Variants in DRC11 observed in about 807,000 individuals in gnomAD.
DRC11 encodes the protein dynein regulatory complex subunit 11, also known as IQ and AAA domain-containing protein 1.
the DRC11 span, among the ~76,000 whole-genome samples, chr2:236,481,826 T>C: frequency 6.6e-6 from 1 of 151,268 alleles, no homozygotes; most frequent in Non-Finnish European, 1.5e-5. Flanking sequence ...GAAATCTATA[T>C]ACTTTAGAAT....
chr2:236,456,975 G>T, the DRC11 span, among the ~76,000 whole-genome samples: 1 of 152,132 alleles, frequency 6.6e-6, no homozygotes, highest in Non-Finnish European at 1.5e-5. The surrounding 1 kb of genome is among the most constrained non-coding windows in gnomAD (Gnocchi z 5.4). Flanking sequence ...GCAGGAGCCC[G>T]CAGTCCCAAG....
the DRC11 span, among the ~76,000 whole-genome samples, chr2:236,311,830 AG>A: frequency 6.6e-6 from 1 of 151,942 alleles, no homozygotes; most frequent in African/African-American, 2.4e-5. This position sits in a 1 kb window ranked among gnomAD's most constrained non-coding sequence, Gnocchi z 6.9. Flanking sequence ...CAGGATGCTA[AG>A]CCAGGCTGGA....
chr2:236,481,407 A>C, the DRC11 span, among the ~76,000 whole-genome samples: 1 of 152,110 alleles, frequency 6.6e-6, no homozygotes, highest in Non-Finnish European at 1.5e-5. Context: ...GGGGAGGAGC[A>C]CTGTGAATAT....
the DRC11 span, among the ~76,000 whole-genome samples, chr2:236,345,030 T>C: frequency 1.9e-3 from 165 of 87,450 alleles, no homozygotes; most frequent in African/African-American, 5.0e-3. Flanking sequence ...GTTGTAAATG[T>C]GCTTCCCTCT....
the DRC11 span, among the ~76,000 whole-genome samples, chr2:236,502,791 C>A: frequency 2.1e-4 from 32 of 151,772 alleles, no homozygotes; most frequent in Non-Finnish European, 3.5e-4. Flanking sequence ...CCTGTCTCTA[C>A]TAAAATCACA....
At chr2:236,310,174 C>T in the DRC11 span, among the ~76,000 whole-genome samples, 1 of 131,160 alleles carries the variant, frequency 7.6e-6, no homozygotes, top group African/African-American at 2.8e-5. This position sits in a 1 kb window ranked among gnomAD's most constrained non-coding sequence, Gnocchi z 5.5. Context: ...TGGTTGCCAC[C>T]TTTGCCTTGG....
the DRC11 span, among the ~76,000 whole-genome samples, chr2:236,416,727 A>ATT: frequency 3.1e-4 from 8 of 25,890 alleles, 1 homozygote; most frequent in Non-Finnish European, 4.6e-4. Flanking sequence ...ATATTTATAT[A>ATT]TATATATATA....
chr2:236,449,728 G>C, the DRC11 span, among the ~76,000 whole-genome samples: 20 of 152,290 alleles, frequency 1.3e-4, no homozygotes, highest in East Asian at 2.7e-3. This position sits in a 1 kb window ranked among gnomAD's most constrained non-coding sequence, Gnocchi z 5.1. Flanking sequence ...ACACTCTCTT[G>C]GAGGCCTATT....
the DRC11 span, among the ~76,000 whole-genome samples, chr2:236,501,209 T>C: frequency 6.6e-6 from 1 of 152,072 alleles, no homozygotes; most frequent in Non-Finnish European, 1.5e-5. Flanking sequence ...GTTCTCATGA[T>C]AACTCACTAT....
chr2:236,431,330 C>T, the DRC11 span, among the ~76,000 whole-genome samples: 3 of 152,140 alleles, frequency 2.0e-5, no homozygotes, highest in Non-Finnish European at 4.4e-5. This position sits in a 1 kb window ranked among gnomAD's most constrained non-coding sequence, Gnocchi z 4.2. Context: ...AGGAAACTTA[C>T]AATCATGGTG....
chr2:236,401,388 T>C, the DRC11 span, among the ~76,000 whole-genome samples: 2 of 152,124 alleles, frequency 1.3e-5, no homozygotes, highest in South Asian at 2.1e-4. The surrounding 1 kb of genome is among the most constrained non-coding windows in gnomAD (Gnocchi z 4.6). Flanking sequence ...TTTGACAGGA[T>C]TGTCACTTCC....
At chr2:236,343,674 G>A in the DRC11 span, 19 of 1,279,584 alleles carry the variant, frequency 1.5e-5, no homozygotes, top group South Asian at 6.2e-5. This position sits in a 1 kb window ranked among gnomAD's most constrained non-coding sequence, Gnocchi z 6.6. Flanking sequence ...TGGAGAACCC[G>A]GTCATTCCTG....
the DRC11 span, among the ~76,000 whole-genome samples, chr2:236,492,174 TC>T: frequency 1.3e-5 from 2 of 152,136 alleles, no homozygotes; most frequent in African/African-American, 4.8e-5. Context: ...AATTACCCAG[TC>T]TGTGGTATTC....
the DRC11 span, among the ~76,000 whole-genome samples, chr2:236,478,023 G>C: frequency 6.6e-6 from 1 of 151,774 alleles, no homozygotes; most frequent in Non-Finnish European, 1.5e-5. This position sits in a 1 kb window ranked among gnomAD's most constrained non-coding sequence, Gnocchi z 5.9. Flanking sequence ...GTGTGTGTGT[G>C]TGTGTGTGTT....
chr2:236,346,506 T>C, the DRC11 span, among the ~76,000 whole-genome samples: 3 of 152,246 alleles, frequency 2.0e-5, no homozygotes, highest in East Asian at 1.9e-4. Context: ...CAATCTGTGC[T>C]GGCAGCTGAG....
At chr2:236,352,025 G>C in the DRC11 span, among the ~76,000 whole-genome samples, 1 of 152,172 alleles carries the variant, frequency 6.6e-6, no homozygotes, top group Non-Finnish European at 1.5e-5. The surrounding 1 kb of genome is among the most constrained non-coding windows in gnomAD (Gnocchi z 7.0). Flanking sequence ...AGGAATTCTC[G>C]AGTAAAGGGG....
At chr2:236,341,407 G>A in the DRC11 span, among the ~76,000 whole-genome samples, 8 of 152,344 alleles carry the variant, frequency 5.3e-5, no homozygotes, top group Admixed American at 4.6e-4. Context: ...CGTCTGCAGG[G>A]GGCAGGGGTG....
At chr2:236,402,692 C>T in the DRC11 span, among the ~76,000 whole-genome samples, 1 of 152,166 alleles carries the variant, frequency 6.6e-6, no homozygotes, top group Non-Finnish European at 1.5e-5. This position sits in a 1 kb window ranked among gnomAD's most constrained non-coding sequence, Gnocchi z 6.0. Flanking sequence ...CCTTCCAGAG[C>T]GCACACTAAA....
At chr2:236,357,810 G>T in the DRC11 span, among the ~76,000 whole-genome samples, 4 of 99,438 alleles carry the variant, frequency 4.0e-5, no homozygotes, top group Non-Finnish European at 8.3e-5. Context: ...TATAAATATA[G>T]AATATATAAA....
Sources: gnomAD v4.1 joint callset for allele counts (sites outside exome capture counted in the v4.1 genomes callset) on GRCh38, gnomAD v4.1.1 for gene constraint, Gnocchi (gnomAD v3.1) non-coding constraint, MANE v1.5 for transcripts, NCBI Gene and HGNC (gene_info 2026-07-23, HGNC 2026-07-21) for gene names.